SYNE1: variants seen among roughly 807,000 people sequenced by gnomAD.
SYNE1 encodes nesprin-1.
In SYNE1, 616 loss-of-function variants were observed where a neutral mutation model predicts 1,111.0. The observed-to-expected ratio is 0.55, with a 90% CI of 0.52 to 0.59. The LOEUF (loss-of-function observed/expected upper bound fraction) is 0.59. SYNE1 is among the 20% of genes least tolerant of loss of function. The probability of loss-of-function intolerance (pLI) is 0.00; values close to 1 mark genes in which losing one functional copy is unlikely to be tolerated. For missense variants in SYNE1, 10,006 were observed against 10,417.0 expected (o/e 0.96, Z 1.72); for synonymous variants, 3,855 against 3,825.8 (o/e 1.01, Z -0.28).
At chr6:152,610,295 C>T (rs1019911338) in intron 3 of SYNE1, among the ~76,000 whole-genome samples, 1 of 152,044 alleles carries the variant, frequency 6.6e-6, no homozygotes, top group Admixed American at 6.6e-5. Flanking sequence ...GTAGAGATGA[C>T]CTTAAATGAC....
intron 25 of SYNE1, 65 bp downstream of exon 25, chr6:152,453,521 C>T: frequency 6.2e-7 from 1 of 1,612,294 alleles, no homozygotes; most frequent in Non-Finnish European, 8.5e-7. Flanking sequence ...ACATTTGGAC[C>T]TTAACACGCT....
intron 140 of SYNE1, among the ~76,000 whole-genome samples, chr6:152,139,281 A>T (rs546184720): frequency 1.3e-5 from 2 of 152,196 alleles, no homozygotes; most frequent in African/African-American, 4.8e-5. Flanking sequence ...CTTGAAAACC[A>T]TCTTTGTGGC....
intron 44 of SYNE1, among the ~76,000 whole-genome samples, chr6:152,407,528 T>A (rs1216615454): frequency 3.9e-5 from 6 of 152,182 alleles, no homozygotes; most frequent in Non-Finnish European, 8.8e-5. Flanking sequence ...AAGAACAGTG[T>A]TGTATTTATT....
At chr6:152,456,141 T>C (rs2098694396) in intron 22 of SYNE1, 97 bp from the exon 23 acceptor site, 3 of 1,339,450 alleles carry the variant, frequency 2.2e-6, no homozygotes, top group African/African-American at 1.5e-5. Flanking sequence ...AACAACATTA[T>C]ATAGCTTTTA....
At chr6:152,410,157 T>C (rs902735969) in intron 42 of SYNE1, 15 of 160,618 alleles carry the variant, frequency 9.3e-5, no homozygotes, top group Non-Finnish European at 2.8e-5. Flanking sequence ...GATTACTCAA[T>C]AATTAAAGTA....
intron 3 of SYNE1, among the ~76,000 whole-genome samples, chr6:152,567,759 G>T (rs927547474): frequency 3.3e-5 from 5 of 152,148 alleles, no homozygotes; most frequent in Non-Finnish European, 7.4e-5. Flanking sequence ...AAGGAGGGCG[G>T]TCTGACTTCC....
At chr6:152,571,857 T>C (rs1356023500) in intron 3 of SYNE1, among the ~76,000 whole-genome samples, 9 of 152,246 alleles carry the variant, frequency 5.9e-5, no homozygotes, top group African/African-American at 1.9e-4. Flanking sequence ...ATTTTCTACT[T>C]ACTTGCTATA....
chr6:152,346,627 G>A lies in SYNE1; in HGVS notation c.12078+432C>T, dbSNP rs373820066. Among the ~76,000 whole-genome samples the A allele has an allele frequency of 2.5e-3, 374 of 151,934 alleles. 2 individuals are homozygous for A. Among genetic ancestry groups the A allele is most frequent in the African/African-American group, 7.0e-3 (289 of 41,494 alleles). ...AGATCGAAACCATCCTGGCTAACAC[G>A]GTGAAACCCCGTCTCTACTAAAAAT... On this transcript the variant is annotated intron_variant, in intron 73 of 145. Coordinates refer to ENST00000367255, the MANE Select transcript of SYNE1 (RefSeq NM_182961.4).
At chr6:152,377,473 GT>G (rs1267109983) in intron 56 of SYNE1, among the ~76,000 whole-genome samples, 1 of 150,862 alleles carries the variant, frequency 6.6e-6, no homozygotes, top group African/African-American at 2.4e-5. Flanking sequence ...GCCAGTTGTG[GT>G]GGTGGGCGCC....
intron 8 of SYNE1, among the ~76,000 whole-genome samples, chr6:152,506,891 A>G (rs2099061036): frequency 6.6e-6 from 1 of 152,274 alleles, no homozygotes; most frequent in South Asian, 2.1e-4. Context: ...CTTAAATTTT[A>G]TTGTAGACAA....
At chr6:152,402,448 T>C (rs2097836311) in intron 46 of SYNE1, 1 of 152,234 alleles carries the variant, frequency 6.6e-6, no homozygotes, top group Non-Finnish European at 1.5e-5. Context: ...GGTTCATATT[T>C]GGGCCAGAGT....
chr6:152,319,051 G>C (rs755951816), intron 84 of SYNE1, 36 bp from the exon 85 acceptor site: 1 of 1,612,258 alleles, frequency 6.2e-7, no homozygotes, highest in South Asian at 1.1e-5. Flanking sequence ...AACAAGCCAT[G>C]GTTAAAAGTG....
chr6:152,547,053 GC>G (rs1251863801), intron 3 of SYNE1: 1 of 152,236 alleles, frequency 6.6e-6, no homozygotes, highest in African/African-American at 2.4e-5. Context: ...TGAGTGAGCC[GC>G]CCTGGACCTG....
At position 152,455,708 on chromosome 6, in the gene SYNE1, G is replaced by A. The variant is rs1330149487; in HGVS notation, c.2728-118C>T. The A allele has an allele frequency of 2.8e-6, 4 of 1,433,140 alleles. No individual in the cohort carries two copies. The African/African-American group carries it at 5.7e-5, about 20-fold the overall frequency. 88.8% of individuals were successfully genotyped at this position (1,433,140 alleles called of 1,614,324 possible). A position where few individuals can be genotyped will look rare whatever the true frequency, so the allele number is the denominator to read the frequency against. ...GGAAAAAAGACATTTCATCATCATG[G>A]GAATAATTAACTCTTTTCAATATTA... is the stretch of plus-strand genomic sequence containing the variant. On this transcript the variant is annotated intron_variant, in intron 23 of 145. Coordinates refer to ENST00000367255, the MANE Select transcript of SYNE1 (RefSeq NM_182961.4).
At chr6:152,372,935 T>C in intron 59 of SYNE1, 102 bp downstream of exon 59, 1 of 1,314,298 alleles carries the variant, frequency 7.6e-7, no homozygotes, top group Non-Finnish European at 1.1e-6. Context: ...GTAACCAAAA[T>C]CATTGACAAG....
At position 152,148,216 on chromosome 6, in the gene SYNE1, G is replaced by GCTCGCTCCGGA; in HGVS notation, c.24794_24804dup (p.Arg8269SerfsTer67). On this transcript the variant is annotated frameshift_variant, in exon 137 of 146. Transcript: ENST00000367255. LOFTEE classifies it high-confidence loss of function. This position sits in a 1 kb window ranked among gnomAD's most constrained non-coding sequence, Gnocchi z 4.1. ...CTAGCCGGGGTGTCTCGTCCTGACC[G>GCTCGCTCCGGA]CTCGCTCCGGAGGGGCTGAGCGAGC... 1 of 1,614,094 alleles carries GCTCGCTCCGGA rather than the reference G, an allele frequency of 6.2e-7. No individual in the cohort carries two copies. The highest frequency in any genetic ancestry group is 8.5e-7 in the Non-Finnish European group (1 of 1,179,976).
intron 53 of SYNE1, among the ~76,000 whole-genome samples, 180 bp downstream of exon 53, chr6:152,390,100 C>A (rs2097583974): frequency 6.6e-6 from 1 of 152,066 alleles, no homozygotes; most frequent in African/African-American, 2.4e-5. Flanking sequence ...AGAAACAAAG[C>A]AATAACAAGC....
chr6:152,443,170 T>C (rs1368114091), intron 30 of SYNE1, among the ~76,000 whole-genome samples: 1 of 152,122 alleles, frequency 6.6e-6, no homozygotes, highest in Non-Finnish European at 1.5e-5. Flanking sequence ...AACATAAATA[T>C]CTATAATCTT....
intron 8 of SYNE1, among the ~76,000 whole-genome samples, chr6:152,509,416 C>G (rs1293122006): frequency 2.0e-5 from 3 of 151,740 alleles, no homozygotes; most frequent in Non-Finnish European, 4.4e-5. Flanking sequence ...GCCACCACGC[C>G]CAGCTAATTT....
Sources: allele counts gnomAD v4.1 joint callset (sites outside exome capture counted in the v4.1 genomes callset), GRCh38; gene constraint gnomAD v4.1.1; non-coding constraint Gnocchi (gnomAD v3.1); transcripts MANE v1.5; gene names NCBI Gene and HGNC (gene_info 2026-07-23, HGNC 2026-07-21).